Variants in CD101 observed in about 807,000 individuals in gnomAD.
The protein encoded by CD101 is CD101 molecule, also known as immunoglobulin superfamily member 2.
A neutral mutation model predicts 98.2 loss-of-function variants in CD101; 76 were observed. The ratio of observed to expected loss-of-function variants is 0.77; its 90% CI spans 0.64 to 0.94. The LOEUF (loss-of-function observed/expected upper bound fraction) is 0.94, where lower values mean the gene tolerates loss of function less well. CD101 is among the 40% of genes least tolerant of loss of function. The pLI, the probability that CD101 is intolerant of heterozygous loss-of-function variation, is 0.00. For synonymous variants in CD101, 471 were observed against 472.7 expected, an observed-to-expected ratio of 1.00 and a Z score of 0.05; for missense variants, 1,145 against 1,218.8, an observed-to-expected ratio of 0.94 and a Z score of 0.90.
At position 117,013,631 on chromosome 1, in the gene CD101, G is replaced by A; in HGVS notation, c.1067G>A (p.Gly356Asp). 6.2e-7 allele frequency: 1 copy of A among 1,614,102 alleles called. No homozygotes were observed. Among genetic ancestry groups the A allele is most frequent in the Non-Finnish European group, 8.5e-7 (1 of 1,180,004 alleles). The change falls in exon 4 of 10, where the codon GGC becomes GAC. Residue 356 changes from glycine (G) to aspartate (D), a missense_variant. By Grantham distance (94) the Gly-to-Asp change is moderately conservative. Coordinates refer to ENST00000682167, the MANE Select transcript of CD101 (RefSeq NM_001256106.3). ...SQGELQVSKLGPKAFSLKIFS... is the reference protein window; with the variant it reads ...SQGELQVSKLDPKAFSLKIFS... ...GGAGAGCTCCAGGTTTCAAAGTTAG[G>A]CCCCAAGGCTTTCTCTCTCAAGATC... is the stretch of plus-strand genomic sequence containing the variant.
Position 117,012,301 on chromosome 1 carries a change from A to T in CD101, c.841+335A>T, listed in dbSNP as rs1652938434. 1.3e-5 allele frequency among the ~76,000 whole-genome samples: 2 copies of T among 152,212 alleles called. No homozygotes were observed. Reference sequence around the variant, plus strand: ...ATTTAGTCGTAACCACCACCCTATGAGGCAAGTAGTTGAGTCTCCATTTTA... The same window carrying T: ...ATTTAGTCGTAACCACCACCCTATGTGGCAAGTAGTTGAGTCTCCATTTTA... On this transcript the variant is annotated intron_variant, in intron 3 of 9. Transcript: ENST00000682167. This position sits in a 1 kb window ranked among gnomAD's most constrained non-coding sequence, Gnocchi z 4.0.
At position 117,009,918 on chromosome 1, in the gene CD101, C is replaced by G; in HGVS notation, c.112C>G (p.Pro38Ala). ...ACCACTGTTTAGAGCTGAAGGTTAC[C>G]CAGTCAGCATTGGCTGCAATGTAAC... ...KGPLFRAEGYPVSIGCNVTGH... is the reference protein window; with the variant it reads ...KGPLFRAEGYAVSIGCNVTGH... The change falls in exon 2 of 10, where the codon CCA (proline) becomes GCA (alanine). Residue 38 changes from proline to alanine, a missense_variant. By Grantham distance (27) the Pro-to-Ala change is conservative. Transcript: ENST00000682167. 1 of 1,613,946 alleles carries G rather than the reference C, an allele frequency of 6.2e-7. No individual in the cohort carries two copies. Among genetic ancestry groups the G allele is most frequent in the Non-Finnish European group, 8.5e-7 (1 of 1,179,974 alleles).
rs1654590069 is a variant in CD101 at position 117,033,435 on chromosome 1, AGT to A, written c.2825-419_2825-418del. 6.6e-6 allele frequency among the ~76,000 whole-genome samples: 1 copy of A among 152,058 alleles called. No homozygotes were observed. The highest frequency in any genetic ancestry group is 1.5e-5 in the Non-Finnish European group (1 of 67,972). On this transcript the variant is annotated intron_variant, in intron 8 of 9. Transcript: ENST00000682167. The surrounding 1 kb of genome is among the most constrained non-coding windows in gnomAD (Gnocchi z 4.8). ...GTGTGTGTATGTGTGTGTGAGAAAG[AGT>A]GTGTGCCTGTGTGTTGGAGGAGCAG...
At position 117,012,746 on chromosome 1, in the gene CD101, A is replaced by T. The variant is rs1246858549; in HGVS notation, c.842-660A>T. On this transcript the variant is annotated intron_variant, in intron 3 of 9. Transcript: ENST00000682167. This position sits in a 1 kb window ranked among gnomAD's most constrained non-coding sequence, Gnocchi z 4.0. ...CATAATCTTTTGGCATTTTTGTCAA[A>T]GCAAGTATAAAGGCCTTGTCTGTGA... Among the ~76,000 whole-genome samples, 1 of 152,178 alleles carries T rather than the reference A, an allele frequency of 6.6e-6. No individual in the cohort carries two copies. Among genetic ancestry groups the T allele is most frequent in the Non-Finnish European group, 1.5e-5 (1 of 68,030 alleles).
At chr1:117,020,114 C>T (rs981534291) in intron 6 of CD101, among the ~76,000 whole-genome samples, 1 of 152,018 alleles carries the variant, frequency 6.6e-6, no homozygotes, top group Non-Finnish European at 1.5e-5. Flanking sequence ...TCCTATAAAC[C>T]CTTAAGACTC....
chr1:117,021,156 A>G lies in CD101; in HGVS notation c.2018-417A>G, dbSNP rs985495343. Among the ~76,000 whole-genome samples the G allele has an allele frequency of 6.6e-6, 1 of 152,222 alleles. No homozygotes were observed. Among genetic ancestry groups the G allele is most frequent in the Non-Finnish European group, 1.5e-5 (1 of 68,040 alleles). On this transcript the variant is annotated intron_variant, in intron 6 of 9. Coordinates refer to ENST00000682167, the MANE Select transcript of CD101 (RefSeq NM_001256106.3). This position sits in a 1 kb window ranked among gnomAD's most constrained non-coding sequence, Gnocchi z 4.7. Reference sequence around the variant, plus strand: ...ACACAAACACAGCATTAATAGGGCCACTTTCTCCCAATCTGATACATGAAA... The same window carrying G: ...ACACAAACACAGCATTAATAGGGCCGCTTTCTCCCAATCTGATACATGAAA...
chr1:117,004,875 G>A lies in CD101; in HGVS notation c.43+3015G>A, dbSNP rs534649491. ...AAAGTACCATAAACTGGGGCGGGTG[G>A]GGGAGGGGGGCTTATAAACAACAGA... On this transcript the variant is annotated intron_variant, in intron 1 of 9. Transcript: ENST00000682167. The surrounding 1 kb of genome is among the most constrained non-coding windows in gnomAD (Gnocchi z 4.1). Among the ~76,000 whole-genome samples, 280 of 151,938 alleles carry A rather than the reference G, an allele frequency of 1.8e-3. No homozygotes were observed. Among genetic ancestry groups the A allele is most frequent in the Middle Eastern group, 6.8e-3 (2 of 294 alleles).
chr1:117,029,175 GAAAGAAAGAAAGAAAGAAA>G lies in CD101; in HGVS notation c.2824+3272_2824+3290del, dbSNP rs1557778632. ...AGAAAGAAAGAAAGAAAGAAAGAAA[GAAAGAAAGAAAGAAAGAAA>G]GAAAGAAAGAAAAGAAAGAAAAGAA... On this transcript the variant is annotated intron_variant, in intron 8 of 9. Coordinates refer to ENST00000682167, the MANE Select transcript of CD101 (RefSeq NM_001256106.3). Among the ~76,000 whole-genome samples the G allele has an allele frequency of 1.2e-3, 122 of 97,882 alleles. 4 individuals carry two copies. The highest frequency in any genetic ancestry group is 8.3e-3 in the Middle Eastern group (2 of 240). 64.2% of individuals were successfully genotyped at this position (97,882 alleles called of 152,430 possible). A position where few individuals can be genotyped will look rare whatever the true frequency, so the allele number is the denominator to read the frequency against.
At chr1:117,029,179 GAAAGAAAGAAAGAAAGAAAGA>G (rs1654180334) in intron 8 of CD101, among the ~76,000 whole-genome samples, 1 of 97,226 alleles carries the variant, frequency 1.0e-5, no homozygotes, top group African/African-American at 4.4e-5. Context: ...AAGAAAGAAA[GAAAGAAAGAAAGAAAGAAAGA>G]AAGAAAAGAA....
At chr1:117,025,428 C>G in intron 7 of CD101, 81 bp from the exon 8 acceptor site, 2 of 1,191,458 alleles carry the variant, frequency 1.7e-6, no homozygotes, top group Non-Finnish European at 2.3e-6. Context: ...AAGATCTTCC[C>G]AGTGAGAACT....
chr1:117,010,066 A>G lies in CD101; in HGVS notation c.260A>G (p.Gln87Arg). Residue 87 changes from glutamine (Q) to arginine (R), a missense_variant, in exon 2 of 10, where the codon CAG (glutamine) becomes CGG (arginine). By Grantham distance (43) the Gln-to-Arg change is conservative. Coordinates refer to ENST00000682167, the MANE Select transcript of CD101 (RefSeq NM_001256106.3). The surrounding 1 kb of genome is among the most constrained non-coding windows in gnomAD (Gnocchi z 5.2). ...GCCTTCTCTTACGCAGTATATACGC[A>G]GCGGGTGCGAAGCGGAGACGTCTAC... ...DAAFSYAVYT[Q>R]RVRSGDVYVE... 1 of 1,614,226 alleles carries G rather than the reference A, an allele frequency of 6.2e-7. No individual in the cohort carries two copies. The highest frequency in any genetic ancestry group is 1.1e-5 in the South Asian group (1 of 91,082).
In CD101 at chr1:117,019,954, TC is replaced by T. The variant is rs1163007842; in HGVS notation, c.2017+1396del. On this transcript the variant is annotated intron_variant, in intron 6 of 9. Coordinates refer to ENST00000682167, the MANE Select transcript of CD101 (RefSeq NM_001256106.3). This position sits in a 1 kb window ranked among gnomAD's most constrained non-coding sequence, Gnocchi z 4.3. ...ACATTTGTGTCTTTCCAGCATCATC[TC>T]CTTCAACTTTCCATCGTGAATTTGA... is the stretch of plus-strand genomic sequence containing the variant. 6.6e-6 allele frequency among the ~76,000 whole-genome samples: 1 copy of T among 152,132 alleles called. No homozygotes were observed. Among genetic ancestry groups the T allele is most frequent in the African/African-American group, 2.4e-5 (1 of 41,412 alleles).
At chr1:117,015,695 TATC>T (rs1017079353) in intron 4 of CD101, among the ~76,000 whole-genome samples, 1 of 152,238 alleles carries the variant, frequency 6.6e-6, no homozygotes, top group African/African-American at 2.4e-5. Context: ...TGCCAGAGCC[TATC>T]ATTAAACACT....
intron 9 of CD101, among the ~76,000 whole-genome samples, chr1:117,035,561 T>C (rs1187850301): frequency 6.6e-6 from 1 of 151,678 alleles, no homozygotes; most frequent in Admixed American, 6.6e-5. Flanking sequence ...TTTTTTTTTT[T>C]TTTTTTGAGA....
At chr1:117,015,585 C>T (rs565751646) in intron 4 of CD101, among the ~76,000 whole-genome samples, 3 of 152,298 alleles carry the variant, frequency 2.0e-5, no homozygotes, top group South Asian at 2.1e-4. Flanking sequence ...CTCCTTCCTC[C>T]GCAGGGAAGA....
rs2101138704 is a variant in CD101 at position 117,022,045 on chromosome 1, AGCTGT to A, written c.2428+63_2428+67del. ...GTCTGACGGCTGTTTTCTCTTGGGC[AGCTGT>A]TCTATGGAGTGATTATGTGGAAGTA... On this transcript the variant is annotated intron_variant, in intron 7 of 9. Transcript: ENST00000682167. This position sits in a 1 kb window ranked among gnomAD's most constrained non-coding sequence, Gnocchi z 4.8. 1 of 1,526,976 alleles carries A rather than the reference AGCTGT, an allele frequency of 6.5e-7. No homozygotes were observed. The highest frequency in any genetic ancestry group is 1.4e-5 in the African/African-American group (1 of 72,232). The allele number at this position is 1,526,976 out of a possible 1,614,324, so 94.6% of individuals were successfully genotyped here.
chr1:117,025,663 G>C lies in CD101; in HGVS notation c.2583G>C (p.Leu861Phe). 6.2e-7 allele frequency: 1 copy of C among 1,614,188 alleles called. No individual in the cohort carries two copies. Among genetic ancestry groups the C allele is most frequent in the East Asian group, 2.2e-5 (1 of 44,882 alleles). The change falls in exon 8 of 10, where the codon TTG becomes TTC. Residue 861 changes from leucine to phenylalanine, a missense_variant. Physicochemically the swap from Leu to Phe is conservative, Grantham distance 22 (BLOSUM62 0). Transcript: ENST00000682167. ...ACAGAGAAAACTCTGGAAGTAAATT[G>C]CTGGTGCACTTGCAACATGATGGCT... ...YWNRENSGSK[L>F]LVHLQHDGLL...
chr1:117,025,684 T>C lies in CD101; in HGVS notation c.2604T>C (p.Asp868=). The change falls in exon 8 of 10, where the codon GAT becomes GAC. Residue 868 remains aspartate, a synonymous_variant. Coordinates refer to ENST00000682167, the MANE Select transcript of CD101 (RefSeq NM_001256106.3). Reference sequence around the variant, plus strand: ...AATTGCTGGTGCACTTGCAACATGATGGCTTGCTGGAGTATGGGGAAGAGG... The same window carrying C: ...AATTGCTGGTGCACTTGCAACATGACGGCTTGCTGGAGTATGGGGAAGAGG... ...GSKLLVHLQH[D]GLLEYGEEGL... is the part of the protein sequence containing the mutation. 1 of 1,614,192 alleles carries C rather than the reference T, an allele frequency of 6.2e-7. No individual in the cohort carries two copies. The highest frequency in any genetic ancestry group is 1.7e-4 in the Middle Eastern group (1 of 6,060).
chr1:117,022,438 T>A lies in CD101; in HGVS notation c.2428+455T>A, dbSNP rs1653642665. ...TTCTCAACATTTAGCTGCCTAAACA[T>A]AAGGCAAATAAGAGTAGTTAACTGT... On this transcript the variant is annotated intron_variant, in intron 7 of 9. Coordinates refer to ENST00000682167, the MANE Select transcript of CD101 (RefSeq NM_001256106.3). The surrounding 1 kb of genome is among the most constrained non-coding windows in gnomAD (Gnocchi z 4.8). Among the ~76,000 whole-genome samples, 1 of 152,182 alleles carries A rather than the reference T, an allele frequency of 6.6e-6. No individual in the cohort carries two copies. The highest frequency in any genetic ancestry group is 2.4e-5 in the African/African-American group (1 of 41,442).
Sources: allele counts gnomAD v4.1 joint callset (sites outside exome capture counted in the v4.1 genomes callset), GRCh38; gene constraint gnomAD v4.1.1; non-coding constraint Gnocchi (gnomAD v3.1); transcripts MANE v1.5; gene names NCBI Gene and HGNC (gene_info 2026-07-23, HGNC 2026-07-21).